The following RFX3 variants were observed in gnomAD, a reference collection of about 807,000 sequenced individuals.
RFX3 encodes the protein regulatory factor X3, also known as transcription factor RFX3.
In RFX3, 14 loss-of-function variants were observed where a neutral mutation model predicts 98.6. The ratio of observed to expected loss-of-function variants is 0.14; its 90% confidence interval spans 0.09 to 0.22. The LOEUF (loss-of-function observed/expected upper bound fraction) is 0.22. Among genes scored for constraint, RFX3 ranks in the 10% least tolerant of loss-of-function variants. RFX3 has a pLI of 1.00. For synonymous variants in RFX3, 383 were observed against 328.4 expected, an observed-to-expected ratio of 1.17 and a Z score of -1.80; for missense variants, 639 against 926.9, an observed-to-expected ratio of 0.69 and a Z score of 4.03.
intron 8 of RFX3, among the ~76,000 whole-genome samples, chr9:3,275,912 G>A (rs1236870123): frequency 6.6e-6 from 1 of 151,898 alleles, no homozygotes; most frequent in Non-Finnish European, 1.5e-5. Context: ...CCTATTAAAA[G>A]AAAAATATCT....
chr9:3,306,127 C>A (rs1042401512), intron 4 of RFX3, among the ~76,000 whole-genome samples: 3 of 152,030 alleles, frequency 2.0e-5, no homozygotes, highest in African/African-American at 4.8e-5. Flanking sequence ...CAGTTAACAC[C>A]GATGGAAAAT....
intron 16 of RFX3, 56 bp from the exon 17 acceptor site, chr9:3,225,336 T>C (rs1817640954): frequency 6.3e-7 from 1 of 1,595,194 alleles, no homozygotes; most frequent in Non-Finnish European, 8.5e-7. Flanking sequence ...AAAATAGCAA[T>C]CAACAGGTGC....
At chr9:3,265,942 T>A (rs1479590046) in intron 12 of RFX3, among the ~76,000 whole-genome samples, 1 of 152,054 alleles carries the variant, frequency 6.6e-6, no homozygotes, top group Non-Finnish European at 1.5e-5. Flanking sequence ...AATATATATA[T>A]CTACTATATT....
At chr9:3,356,601 C>A (rs1467852557) in intron 2 of RFX3, among the ~76,000 whole-genome samples, 3 of 151,720 alleles carry the variant, frequency 2.0e-5, no homozygotes, top group African/African-American at 7.3e-5. Flanking sequence ...AAACAGAGAA[C>A]AACAGAACCT....
At chr9:3,270,649 G>T in intron 10 of RFX3, 124 bp from the exon 11 acceptor site, 1 of 926,660 alleles carries the variant, frequency 1.1e-6, no homozygotes, top group South Asian at 1.7e-5. Flanking sequence ...CATTGCACTG[G>T]TGCCATACAG....
At chr9:3,271,462 TTCC>T (rs769703356) in intron 9 of RFX3, among the ~76,000 whole-genome samples, 171 of 138,894 alleles carry the variant, frequency 1.2e-3, no homozygotes, top group Middle Eastern at 7.1e-3. Context: ...CCTTCCTTCC[TTCC>T]TCCTTTCTTT....
Position 3,493,682 on chromosome 9 carries a change from CAAAA to C in RFX3, c.-9+32061_-9+32064del, listed in dbSNP as rs71324250. On this transcript the variant is annotated intron_variant, in intron 1 of 16. Transcript: ENST00000617270. ...CTGGGCGACAAAGCGAGACTCATCT[CAAAA>C]AAAAAAAAAAAAAAATATATATATA... Among the ~76,000 whole-genome samples the C allele has an allele frequency of 5.5e-3, 440 of 79,512 alleles. 1 individual carries two copies. The highest frequency in any genetic ancestry group is 0.017 in the African/African-American group (357 of 21,466). 52.2% of individuals were successfully genotyped at this position (79,512 alleles called of 152,430 possible). A position where few individuals can be genotyped will look rare whatever the true frequency, so the allele number is the denominator to read the frequency against.
intron 15 of RFX3, among the ~76,000 whole-genome samples, chr9:3,235,391 T>C (rs1819006056): frequency 6.6e-6 from 1 of 152,204 alleles, no homozygotes; most frequent in African/African-American, 2.4e-5. Flanking sequence ...GAAGAACCTA[T>C]AATCCGTAAG....
intron 1 of RFX3, among the ~76,000 whole-genome samples, chr9:3,505,815 T>C (rs1448108021): frequency 6.6e-6 from 1 of 150,614 alleles, no homozygotes; most frequent in Admixed American, 6.6e-5. Context: ...GTTTTTTCCA[T>C]AGCATTGACA....
intron 1 of RFX3, among the ~76,000 whole-genome samples, chr9:3,401,565 T>G (rs1452498663): frequency 6.6e-6 from 1 of 152,158 alleles, no homozygotes; most frequent in Non-Finnish European, 1.5e-5. Flanking sequence ...GCCGTCACAT[T>G]AATCCATTTT....
chr9:3,269,984 G>A lies in RFX3; in HGVS notation c.1357+387C>T, dbSNP rs766515767. 1.1e-3 allele frequency among the ~76,000 whole-genome samples: 172 copies of A among 151,880 alleles called. 2 individuals carry two copies. Among genetic ancestry groups the A allele is most frequent in the Non-Finnish European group, 1.0e-3 (70 of 67,980 alleles). ...TAGAATAATTTTTATACGGTTGACT[G>A]GCCTGCTAGTGTTCTTACAAGTAGT... On this transcript the variant is annotated intron_variant, in intron 11 of 16. Transcript: ENST00000617270.
intron 1 of RFX3, among the ~76,000 whole-genome samples, chr9:3,417,487 C>T (rs1843082303): frequency 6.6e-6 from 1 of 151,864 alleles, no homozygotes; most frequent in South Asian, 2.1e-4. Context: ...TGTATGATCA[C>T]AAAAGAATTA....
chr9:3,417,231 T>A (rs1427631948), intron 1 of RFX3, among the ~76,000 whole-genome samples: 1 of 151,972 alleles, frequency 6.6e-6, no homozygotes, highest in African/African-American at 2.4e-5. Context: ...GAAAAAGAAA[T>A]AATAAAATGC....
At chr9:3,491,253 C>G (rs1232963152) in intron 1 of RFX3, among the ~76,000 whole-genome samples, 1 of 152,082 alleles carries the variant, frequency 6.6e-6, no homozygotes, top group African/African-American at 2.4e-5. Flanking sequence ...AAAACAATCA[C>G]AGGTGTTTGC....
intron 1 of RFX3, among the ~76,000 whole-genome samples, chr9:3,496,954 A>G (rs1851148949): frequency 1.3e-5 from 2 of 152,034 alleles, no homozygotes; most frequent in Admixed American, 1.3e-4. Context: ...TGCAAGTACT[A>G]CAACAAGCCT....
chr9:3,504,475 G>C (rs1357950068), intron 1 of RFX3, among the ~76,000 whole-genome samples: 1 of 127,216 alleles, frequency 7.9e-6, no homozygotes, highest in Non-Finnish European at 1.6e-5. Flanking sequence ...GGTATATATT[G>C]TATATAAAAT....
chr9:3,413,884 C>CTT (rs910786882), intron 1 of RFX3, among the ~76,000 whole-genome samples: 4 of 152,180 alleles, frequency 2.6e-5, no homozygotes, highest in South Asian at 2.1e-4. Flanking sequence ...TACTCTCCAC[C>CTT]TAGATAACAT....
chr9:3,413,125 AT>A (rs200097184), intron 1 of RFX3, among the ~76,000 whole-genome samples: 10,289 of 148,536 alleles, frequency 0.069, 660 homozygotes, highest in African/African-American at 0.16. Context: ...AGCAAGATCG[AT>A]TTTTTTTTTT....
intron 1 of RFX3, among the ~76,000 whole-genome samples, chr9:3,412,589 G>T (rs1035204867): frequency 6.6e-6 from 1 of 152,028 alleles, no homozygotes; most frequent in African/African-American, 2.4e-5. Flanking sequence ...ATAAAAGAAA[G>T]GTGCAAAGGG....
Sources: gnomAD v4.1 joint callset for allele counts (sites outside exome capture counted in the v4.1 genomes callset) on GRCh38, gnomAD v4.1.1 for gene constraint, MANE v1.5 for transcripts, NCBI Gene and HGNC (gene_info 2026-07-23, HGNC 2026-07-21) for gene names.